HMCN1: variants seen among roughly 807,000 people sequenced by gnomAD.
The protein encoded by HMCN1 is hemicentin 1.
Under a neutral mutation model 625.9 loss-of-function variants are expected in HMCN1, and 321 were observed. The ratio of observed to expected loss-of-function variants is 0.51; its 90% CI spans 0.47 to 0.56. The LOEUF is 0.56. HMCN1 is among the 20% of genes least tolerant of loss of function. The pLI is 0.00. For synonymous variants in HMCN1, 2,425 were observed against 2,417.6 expected (o/e 1.00, Z -0.09); for missense variants, 6,588 against 6,887.3 (o/e 0.96, Z 1.54).
At chr1:185,979,731 TG>T (rs1301574703) in intron 16 of HMCN1, among the ~76,000 whole-genome samples, 34 of 152,340 alleles carry the variant, frequency 2.2e-4, no homozygotes, top group African/African-American at 7.2e-4. Context: ...TAGATGCATA[TG>T]GTTAGCAGAG....
intron 1 of HMCN1, among the ~76,000 whole-genome samples, chr1:185,833,821 A>G (rs1273741544): frequency 6.6e-6 from 1 of 151,938 alleles, no homozygotes; most frequent in Non-Finnish European, 1.5e-5. Context: ...CTCTTTTCCA[A>G]TTTCTTCAGA....
chr1:186,162,493 T>A (rs1358542950), intron 97 of HMCN1, among the ~76,000 whole-genome samples: 4 of 152,198 alleles, frequency 2.6e-5, no homozygotes, highest in Non-Finnish European at 5.9e-5. Context: ...GGTGCTCTGC[T>A]TTTTAGAGTT....
intron 63 of HMCN1, among the ~76,000 whole-genome samples, chr1:186,089,303 AT>A (rs1304798142): frequency 6.6e-6 from 1 of 152,070 alleles, no homozygotes; most frequent in Non-Finnish European, 1.5e-5. Context: ...TAAACCTCTG[AT>A]TATTACATTT....
chr1:185,834,430 C>CT (rs564831071), intron 1 of HMCN1, among the ~76,000 whole-genome samples: 94 of 152,214 alleles, frequency 6.2e-4, no homozygotes, highest in African/African-American at 2.1e-3. Flanking sequence ...TTGAGTTCCT[C>CT]TTGAGCTATT....
At chr1:185,742,999 T>G (rs1654091779) in intron 1 of HMCN1, among the ~76,000 whole-genome samples, 1 of 152,234 alleles carries the variant, frequency 6.6e-6, no homozygotes, top group South Asian at 2.1e-4. Context: ...TGTTAATTAG[T>G]TAAGGAACAG....
rs1660071387 is a variant in HMCN1, at chr1:186,095,295, A to G, written c.10347A>G (p.Lys3449=). The change falls in exon 68 of 107, where the codon AAA becomes AAG. Residue 3449 remains lysine (K), a synonymous_variant. Transcript: ENST00000271588. ...SMGTEEITVL[K]GSSTSMACIT... ...GGACAGAGGAAATCACAGTTCTCAA[A>G]GGTAGTTCCACCTCTATGGCATGCA... 6.2e-7 allele frequency: 1 copy of G among 1,613,804 alleles called. No homozygotes were observed. The highest frequency in any genetic ancestry group is 1.7e-5 in the Admixed American group (1 of 59,908).
At chr1:185,860,294 G>T (rs912473670) in intron 2 of HMCN1, among the ~76,000 whole-genome samples, 3 of 151,944 alleles carry the variant, frequency 2.0e-5, no homozygotes, top group Admixed American at 1.3e-4. Flanking sequence ...AATATAATCT[G>T]TGTTTGCAGA....
At chr1:185,917,831 G>A (rs922487523) in intron 6 of HMCN1, among the ~76,000 whole-genome samples, 3 of 152,160 alleles carry the variant, frequency 2.0e-5, no homozygotes, top group African/African-American at 7.2e-5. Flanking sequence ...TCTCAGAGGA[G>A]CAAGTAATTT....
intron 2 of HMCN1, among the ~76,000 whole-genome samples, chr1:185,854,649 T>C (rs1662354227): frequency 6.6e-6 from 1 of 152,192 alleles, no homozygotes; most frequent in Non-Finnish European, 1.5e-5. Context: ...TCATGGTGAT[T>C]TTTTAAAATC....
intron 1 of HMCN1, among the ~76,000 whole-genome samples, chr1:185,789,350 G>A (rs557595321): frequency 4.6e-5 from 7 of 152,264 alleles, no homozygotes; most frequent in East Asian, 1.9e-4. Context: ...AGACCCTGGC[G>A]CAAGTAGGTT....
In HMCN1 at chr1:185,928,581, T is replaced by C. The variant is rs748873506; in HGVS notation, c.1466T>C (p.Val489Ala). The change falls in exon 10 of 107, where the codon GTC becomes GCC. Residue 489 changes from valine (V) to alanine (A), a missense_variant. Val to Ala is a moderately conservative substitution (Grantham distance 64). Transcript: ENST00000271588. ...AGTGTGAACTTAGATATTGCAAAGG[T>C]CACTTTGTCTGACGAAGGTTTCTAT... ...SASVNLDIAK[V>A]TLSDEGFYEC... 1 of 1,613,334 alleles carries C rather than the reference T, an allele frequency of 6.2e-7. No homozygotes were observed. The highest frequency in any genetic ancestry group is 2.2e-5 in the East Asian group (1 of 44,858).
chr1:185,890,556 A>G (rs1664999665), intron 4 of HMCN1, among the ~76,000 whole-genome samples: 1 of 142,696 alleles, frequency 7.0e-6, no homozygotes, highest in Admixed American at 6.8e-5. Context: ...TTCTGCCTTC[A>G]TTTCGTTATG....
At chr1:186,051,753 T>C (rs1656966241) in intron 42 of HMCN1, among the ~76,000 whole-genome samples, 1 of 151,948 alleles carries the variant, frequency 6.6e-6, no homozygotes, top group African/African-American at 2.4e-5. Context: ...CTAAGCTGAG[T>C]AGAGAAGTCG....
intron 86 of HMCN1, among the ~76,000 whole-genome samples, chr1:186,134,754 C>T (rs112876136): frequency 1.3e-5 from 2 of 152,162 alleles, no homozygotes; most frequent in African/African-American, 4.8e-5. Flanking sequence ...TATGCAGCCA[C>T]AACCTTGAAT....
At chr1:185,995,125 G>A (rs1323941105) in intron 24 of HMCN1, 38 bp downstream of exon 24, 1 of 1,594,446 alleles carries the variant, frequency 6.3e-7, no homozygotes, top group Admixed American at 1.7e-5. Context: ...TATGTAGGGT[G>A]GGGAGTGAGA....
At chr1:185,823,581 A>C (rs971370433) in intron 1 of HMCN1, among the ~76,000 whole-genome samples, 1 of 152,170 alleles carries the variant, frequency 6.6e-6, no homozygotes, top group African/African-American at 2.4e-5. Flanking sequence ...CCAGTCGGTC[A>C]TGAGCTTCCC....
Position 186,117,538 on chromosome 1 carries a change from G to T in HMCN1, c.11763G>T (p.Ser3921=). Residue 3921 remains serine (S), a synonymous_variant, in exon 77 of 107, where the codon TCG becomes TCT. Coordinates refer to ENST00000271588, the MANE Select transcript of HMCN1 (RefSeq NM_031935.3). ...CAGCAGTAATTACCTGCACTGCTTC[G>T]GGAGTTCCATTTCCCTCAATTCACT... ...HAPAVITCTA[S]GVPFPSIHWT... 6.2e-7 allele frequency: 1 copy of T among 1,613,736 alleles called. No individual in the cohort carries two copies.
At chr1:186,122,803 A>G (rs1661457607) in intron 80 of HMCN1, 148 bp from the exon 81 acceptor site, 2 of 842,376 alleles carry the variant, frequency 2.4e-6, no homozygotes, top group Non-Finnish European at 3.7e-6. Context: ...TGTTCCCATG[A>G]AAAAATGTAG....
intron 1 of HMCN1, among the ~76,000 whole-genome samples, chr1:185,795,916 A>G (rs948634101): frequency 5.3e-5 from 8 of 152,244 alleles, no homozygotes; most frequent in African/African-American, 1.9e-4. Flanking sequence ...GAATAACCTT[A>G]TGGTGCCTGC....
Sources: gnomAD v4.1 joint callset for allele counts (sites outside exome capture counted in the v4.1 genomes callset) on GRCh38, gnomAD v4.1.1 for gene constraint, MANE v1.5 for transcripts, NCBI Gene and HGNC (gene_info 2026-07-23, HGNC 2026-07-21) for gene names.